Variants in DMD observed in about 807,000 individuals in gnomAD.
The protein encoded by DMD is mutant dystrophin.
A neutral mutation model predicts 330.1 loss-of-function variants in DMD; 63 were observed. That is an observed-to-expected ratio of 0.19 (90% confidence interval 0.16 to 0.24). DMD has a LOEUF of 0.24. Ranked by LOEUF, DMD falls within the 10% of genes least tolerant of loss-of-function variation. The pLI is 1.00. For synonymous variants in DMD, 1,223 were observed against 959.8 expected (o/e 1.27, Z -5.07); for missense variants, 3,344 against 2,684.1 (o/e 1.25, Z -5.43).
intron 44 of DMD, among the ~76,000 whole-genome samples, chrX:32,116,284 C>G (rs1234162401): frequency 8.9e-6 from 1 of 112,062 alleles, no homozygotes; most frequent in East Asian, 2.8e-4. Flanking sequence ...GCCAATCCAC[C>G]CAATCTAAAC....
chrX:32,556,720 C>T (rs998295715), intron 16 of DMD, among the ~76,000 whole-genome samples: 5 of 111,344 alleles, frequency 4.5e-5, no homozygotes, highest in African/African-American at 1.6e-4. Flanking sequence ...ATAAATTTTC[C>T]TTTTATTTTT....
chrX:33,026,333 A>G (rs1172305106), intron 1 of DMD, among the ~76,000 whole-genome samples: 1 of 95,202 alleles, frequency 1.1e-5, no homozygotes, highest in East Asian at 4.6e-4. Flanking sequence ...AAAAAAAAAA[A>G]AAAAAAAAAA....
chrX:31,399,886 T>G (rs977948250), intron 60 of DMD, among the ~76,000 whole-genome samples: 2 of 110,685 alleles, frequency 1.8e-5, no homozygotes, highest in African/African-American at 6.6e-5. Flanking sequence ...GATATAAGAG[T>G]CAGCAAACAG....
At chrX:32,969,208 T>TTTTCCTTTTTGAG (rs2092297029) in intron 2 of DMD, among the ~76,000 whole-genome samples, 3 of 93,485 alleles carry the variant, frequency 3.2e-5, no homozygotes, top group African/African-American at 4.7e-5. Context: ...TTCTGCTCTT[T>TTTTCCTTTTTGAG]ATAAACCACC....
At chrX:31,441,063 G>C (rs767239100) in intron 60 of DMD, among the ~76,000 whole-genome samples, 1 of 112,274 alleles carries the variant, frequency 8.9e-6, no homozygotes, top group East Asian at 2.8e-4. Flanking sequence ...AGGATATTCT[G>C]ATATCAAGTA....
chrX:31,875,878 C>A (rs1185976173), intron 47 of DMD, among the ~76,000 whole-genome samples: 1 of 112,353 alleles, frequency 8.9e-6, no homozygotes, highest in African/African-American at 3.2e-5. Context: ...ACCAAACCAA[C>A]TATAATTTTG....
At chrX:33,156,668 G>A (rs983806520) in intron 1 of DMD, among the ~76,000 whole-genome samples, 2 of 111,965 alleles carry the variant, frequency 1.8e-5, no homozygotes, top group African/African-American at 6.5e-5. Flanking sequence ...TTGCTGATGG[G>A]TAATTCTTTG....
intron 61 of DMD, among the ~76,000 whole-genome samples, chrX:31,332,758 C>T (rs892195748): frequency 2.7e-5 from 3 of 112,114 alleles, no homozygotes; most frequent in East Asian, 2.8e-4. Context: ...GAGGATTAAA[C>T]GGGTTAATCT....
chrX:33,165,286 G>A (rs761450595), intron 1 of DMD, among the ~76,000 whole-genome samples: 5 of 111,414 alleles, frequency 4.5e-5, no homozygotes, highest in Non-Finnish European at 9.4e-5. Flanking sequence ...TTGGAAGTGT[G>A]AATAAAAGTT....
At chrX:32,946,762 GA>G (rs1320551355) in intron 2 of DMD, among the ~76,000 whole-genome samples, 1 of 111,329 alleles carries the variant, frequency 9.0e-6, no homozygotes, top group Non-Finnish European at 1.9e-5. Flanking sequence ...TTTTGTATGG[GA>G]GCTGCTATAT....
intron 44 of DMD, among the ~76,000 whole-genome samples, chrX:32,003,689 C>A (rs2095642344): frequency 9.0e-6 from 1 of 111,473 alleles, no homozygotes; most frequent in Non-Finnish European, 1.9e-5. Flanking sequence ...TGTTCCTGCA[C>A]TTAAATCAAC....
chrX:32,252,615 A>C (rs1406934588), intron 43 of DMD, among the ~76,000 whole-genome samples: 7 of 80,879 alleles, frequency 8.7e-5, no homozygotes, highest in Non-Finnish European at 1.3e-4. Context: ...TATATAAATA[A>C]ATATATAAAT....
At chrX:32,212,088 C>T (rs988986222) in intron 44 of DMD, among the ~76,000 whole-genome samples, 9 of 111,878 alleles carry the variant, frequency 8.0e-5, no homozygotes, top group African/African-American at 2.9e-4. Context: ...TGTCACTTTC[C>T]TTCATGGTGT....
chrX:32,803,881 G>C (rs552179685), intron 7 of DMD, among the ~76,000 whole-genome samples: 1 of 111,835 alleles, frequency 8.9e-6, no homozygotes, highest in East Asian at 2.8e-4. Flanking sequence ...CAATTATGTC[G>C]TCAATTTTAG....
At chrX:31,592,378 T>C (rs1035780633) in intron 55 of DMD, among the ~76,000 whole-genome samples, 3 of 82,165 alleles carry the variant, frequency 3.7e-5, no homozygotes, top group Non-Finnish European at 6.8e-5. Context: ...TACATATATA[T>C]TCTATATATA....
rs775246170 is a variant in DMD at position 32,518,074 on chromosome X, C to T, written c.2226G>A (p.Leu742=). ...GAAAGATTGCAAATTCAGGACTCTG[C>T]AACACAGCTTCTGAGCGAGTAATCC... The part of the protein sequence containing the change: ...HSWITRSEAV[L]QSPEFAIFRK... The change falls in exon 18 of 79, where the codon TTG becomes TTA. Residue 742 remains leucine (L), a synonymous_variant. Coordinates refer to ENST00000357033, the MANE Select transcript of DMD (RefSeq NM_004006.3). The T allele has an allele frequency of 5.8e-6, 7 of 1,208,116 alleles. No homozygotes were observed. In the East Asian group the frequency reaches 2.1e-4, roughly 36 times the overall value.
intron 1 of DMD, among the ~76,000 whole-genome samples, chrX:33,045,642 G>T (rs1485213409): frequency 9.2e-6 from 1 of 108,402 alleles, no homozygotes; most frequent in South Asian, 4.1e-4. Context: ...AAGCCGTGTG[G>T]GGGTGTGGGG....
chrX:32,163,310 A>G, intron 44 of DMD, among the ~76,000 whole-genome samples: 1 of 112,045 alleles, frequency 8.9e-6, no homozygotes, highest in Middle Eastern at 4.6e-3. Flanking sequence ...TCTCATTTGA[A>G]TTATTGCAAT....
intron 41 of DMD, among the ~76,000 whole-genome samples, chrX:32,320,816 T>A: frequency 8.9e-6 from 1 of 111,964 alleles, no homozygotes; most frequent in Non-Finnish European, 1.9e-5. Context: ...ACTAAGATTA[T>A]ATGAATAATT....
Sources: allele counts gnomAD v4.1 joint callset (sites outside exome capture counted in the v4.1 genomes callset), GRCh38; gene constraint gnomAD v4.1.1; transcripts MANE v1.5; gene names NCBI Gene and HGNC (gene_info 2026-07-23, HGNC 2026-07-21).